Variants in HYCC2 observed in about 807,000 individuals in gnomAD.
HYCC2 encodes the protein hyccin PI4KA lipid kinase complex subunit 2, also known as hyccin 2.
the HYCC2 span, among the ~76,000 whole-genome samples, chr2:200,991,907 C>A: frequency 6.6e-6 from 1 of 151,384 alleles, no homozygotes; most frequent in Non-Finnish European, 1.5e-5. Flanking sequence ...CCCCAAAATC[C>A]TAATGGCTTA....
the HYCC2 span, among the ~76,000 whole-genome samples, chr2:201,033,378 TTATTTTA>T: frequency 1.5e-5 from 2 of 136,010 alleles, no homozygotes; most frequent in Admixed American, 1.5e-4. Flanking sequence ...CTAATTTATT[TTATTTTA>T]TTTTATTTTA....
the HYCC2 span, among the ~76,000 whole-genome samples, chr2:201,069,045 T>C: frequency 6.6e-6 from 1 of 152,228 alleles, no homozygotes; most frequent in African/African-American, 2.4e-5. Flanking sequence ...AAAGTACTGG[T>C]ATGATAACTA....
At chr2:201,017,040 C>T in the HYCC2 span, 1 of 1,614,102 alleles carries the variant, frequency 6.2e-7, no homozygotes, top group South Asian at 1.1e-5. Flanking sequence ...ATTACTCTGT[C>T]TGTCTCGGCT....
chr2:201,042,342 A>G, the HYCC2 span, among the ~76,000 whole-genome samples: 1 of 151,992 alleles, frequency 6.6e-6, no homozygotes, highest in Non-Finnish European at 1.5e-5. Context: ...TTGGCCTCCC[A>G]AAGTGCTGAG....
chr2:201,054,462 G>A, the HYCC2 span, among the ~76,000 whole-genome samples: 1 of 152,178 alleles, frequency 6.6e-6, no homozygotes, highest in South Asian at 2.1e-4. Flanking sequence ...CCTAGTAAAT[G>A]AAGATAACCT....
At chr2:200,981,345 G>A in the HYCC2 span, 4 of 1,614,042 alleles carry the variant, frequency 2.5e-6, no homozygotes, top group African/African-American at 5.3e-5. This position sits in a 1 kb window ranked among gnomAD's most constrained non-coding sequence, Gnocchi z 4.5. Context: ...CTGGGCTGAG[G>A]AGCTCTTTAC....
chr2:201,001,067 G>C, the HYCC2 span, among the ~76,000 whole-genome samples: 1 of 151,772 alleles, frequency 6.6e-6, no homozygotes, highest in Admixed American at 6.6e-5. Flanking sequence ...GAACCCAGGA[G>C]GCAGAGGGTG....
the HYCC2 span, among the ~76,000 whole-genome samples, chr2:200,995,006 A>G: frequency 7.3e-6 from 1 of 137,012 alleles, no homozygotes; most frequent in South Asian, 2.3e-4. Context: ...AGACTCTCTC[A>G]AAAAAAAAAA....
At chr2:201,009,920 A>G in the HYCC2 span, among the ~76,000 whole-genome samples, 11 of 151,962 alleles carry the variant, frequency 7.2e-5, no homozygotes, top group East Asian at 3.9e-4. Flanking sequence ...TGGCTAACAC[A>G]GTGAAACCCC....
chr2:201,063,680 G>T, the HYCC2 span: 1 of 1,576,620 alleles, frequency 6.3e-7, no homozygotes, highest in Non-Finnish European at 8.6e-7. Context: ...AGGTCGAAGT[G>T]GTTCTGGAAA....
At chr2:201,012,818 G>C in the HYCC2 span, among the ~76,000 whole-genome samples, 1 of 151,840 alleles carries the variant, frequency 6.6e-6, no homozygotes, top group African/African-American at 2.4e-5. Flanking sequence ...GGTGGCAGAC[G>C]CCTATAATCC....
chr2:201,026,880 C>T, the HYCC2 span, among the ~76,000 whole-genome samples: 1 of 152,148 alleles, frequency 6.6e-6, no homozygotes, highest in East Asian at 1.9e-4. Context: ...CTAAAATTGA[C>T]ACCCTAACAT....
At chr2:201,014,001 C>T in the HYCC2 span, among the ~76,000 whole-genome samples, 8 of 152,256 alleles carry the variant, frequency 5.3e-5, no homozygotes, top group Non-Finnish European at 1.0e-4. Flanking sequence ...AGGAAGAACA[C>T]AGACATCGAG....
At chr2:200,988,398 T>C in the HYCC2 span, 1 of 1,612,808 alleles carries the variant, frequency 6.2e-7, no homozygotes. Flanking sequence ...CAAATGGTAA[T>C]GAGTTTTTCA....
the HYCC2 span, among the ~76,000 whole-genome samples, chr2:201,008,347 C>T: frequency 2.0e-5 from 3 of 152,176 alleles, no homozygotes; most frequent in African/African-American, 7.2e-5. Context: ...ACAAGATGAC[C>T]ATAACATAAT....
the HYCC2 span, among the ~76,000 whole-genome samples, chr2:201,012,223 G>A: frequency 2.6e-5 from 4 of 152,164 alleles, no homozygotes; most frequent in Non-Finnish European, 4.4e-5. Context: ...ACTTTGGGAG[G>A]CCAAGGCAGT....
chr2:201,000,585 T>C, the HYCC2 span, among the ~76,000 whole-genome samples: 1 of 152,130 alleles, frequency 6.6e-6, no homozygotes, highest in Admixed American at 6.5e-5. Context: ...CGTGAGAATG[T>C]AGAGAAACTG....
chr2:200,974,564 TA>T, the HYCC2 span: 2 of 151,820 alleles, frequency 1.3e-5, no homozygotes, highest in African/African-American at 4.8e-5. Context: ...TGATAAAACT[TA>T]AAAACAAACA....
At chr2:201,022,138 C>T in the HYCC2 span, 2 of 1,267,756 alleles carry the variant, frequency 1.6e-6, no homozygotes, top group Non-Finnish European at 1.0e-6. Flanking sequence ...AAGCTACTTT[C>T]CTGTGTGTTC....
Sources: allele counts gnomAD v4.1 joint callset (sites outside exome capture counted in the v4.1 genomes callset), GRCh38; gene constraint gnomAD v4.1.1; non-coding constraint Gnocchi (gnomAD v3.1); transcripts MANE v1.5; gene names NCBI Gene and HGNC (gene_info 2026-07-23, HGNC 2026-07-21).